The following TRPM6 variants were observed in gnomAD, a reference collection of about 807,000 sequenced individuals.
TRPM6 encodes transient receptor potential cation channel subfamily M member 6, also known as channel kinase 2.
Under a neutral mutation model 247.6 loss-of-function variants are expected in TRPM6, and 111 were observed. The ratio of observed to expected loss-of-function variants is 0.45; its 90% CI spans 0.38 to 0.52. The LOEUF (loss-of-function observed/expected upper bound fraction) is 0.52, where lower values mean the gene tolerates loss of function less well. Ranked by LOEUF, TRPM6 falls within the 20% of genes least tolerant of loss-of-function variation. TRPM6 has a pLI of 0.00. For missense variants in TRPM6, 2,126 were observed against 2,421.5 expected, an observed-to-expected ratio of 0.88 and a Z score of 2.56; for synonymous variants, 892 against 853.8, an observed-to-expected ratio of 1.04 and a Z score of -0.78.
At chr9:74,825,773 T>G (rs573193864) in intron 7 of TRPM6, among the ~76,000 whole-genome samples, 1 of 152,186 alleles carries the variant, frequency 6.6e-6, no homozygotes, top group African/African-American at 2.4e-5. Context: ...CCCCACGCAA[T>G]TTAGGTGGTG....
Position 74,762,925 on chromosome 9 carries a change from A to G in TRPM6, c.3746T>C (p.Leu1249Pro), listed in dbSNP as rs1310687611. ...GATGACATTGCTCCAGCTGTGGGGA[A>G]GTTTTTTGCAAGTAGAATGCTTTCT... ...AKRKHSTCKK[L>P]PHSWSNVICA... Residue 1249 changes from leucine (L) to proline (P), a missense_variant, in exon 26 of 39, where the codon CTT becomes CCT. Transcript: ENST00000360774. 8.1e-6 allele frequency: 13 copies of G among 1,605,930 alleles called. No individual in the cohort carries two copies. The highest frequency in any genetic ancestry group is 1.1e-5 in the Non-Finnish European group (13 of 1,174,742).
intron 33 of TRPM6, among the ~76,000 whole-genome samples, chr9:74,741,671 C>T (rs1427768810): frequency 6.6e-6 from 1 of 151,886 alleles, no homozygotes; most frequent in African/African-American, 2.4e-5. Flanking sequence ...GGGTAGATCA[C>T]CTGAGGTTAG....
At chr9:74,766,010 A>G (rs1243123024) in intron 25 of TRPM6, among the ~76,000 whole-genome samples, 1 of 152,210 alleles carries the variant, frequency 6.6e-6, no homozygotes, top group Non-Finnish European at 1.5e-5. Context: ...CACAAAATAT[A>G]TGTATACTCT....
In TRPM6 at chr9:74,802,379, G is replaced by C. The variant is rs7858874; in HGVS notation, c.1732-204C>G. On this transcript the variant is annotated intron_variant, in intron 15 of 38. Transcript: ENST00000360774. ...TCTTGTTGCATTTAACAGATCCAGA[G>C]TCCCTGAACTGATATATCTTAAGGT... is the stretch of plus-strand genomic sequence containing the variant. Among the ~76,000 whole-genome samples the C allele has an allele frequency of 0.25, 37,354 of 151,936 alleles. 6,341 individuals are homozygous for C. The highest frequency in any genetic ancestry group is 0.49 in the African/African-American group (20,318 of 41,390).
chr9:74,840,376 T>C, intron 4 of TRPM6, 139 bp from the exon 5 acceptor site: 1 of 669,126 alleles, frequency 1.5e-6, no homozygotes, highest in Non-Finnish European at 2.7e-6. Context: ...AAGTTCATCT[T>C]CATGTAATGG....
Position 74,739,744 on chromosome 9 carries a change from AGTGC to A in TRPM6, c.5462_5465del (p.Ser1821MetfsTer19). On this transcript the variant is annotated frameshift_variant, in exon 34 of 39. Coordinates refer to ENST00000360774, the MANE Select transcript of TRPM6 (RefSeq NM_017662.5). ...TTACCCTGAGGCAAAGATGAAGCAC[AGTGC>A]TCTCCTGGAAGATTTTATGCCATGT... 6.2e-7 allele frequency: 1 copy of A among 1,613,384 alleles called. No homozygotes were observed. The highest frequency in any genetic ancestry group is 8.5e-7 in the Non-Finnish European group (1 of 1,180,002).
In TRPM6 at chr9:74,802,050, T is replaced by C. The variant is rs1587522385; in HGVS notation, c.1857A>G (p.Lys619=). 1 of 1,614,178 alleles carries C rather than the reference T, an allele frequency of 6.2e-7. No individual in the cohort carries two copies. Among genetic ancestry groups the C allele is most frequent in the East Asian group, 2.2e-5 (1 of 44,880 alleles). The change falls in exon 16 of 39, where the codon AAA becomes AAG. Residue 619 remains lysine, a synonymous_variant. Transcript: ENST00000360774. The part of the protein sequence containing the change: ...NDLLVWAVLM[K]RQKMAMFFWQ... ...AGAAGAACATAGCCATCTTCTGCCT[T>C]TTCATCAGCACAGCCCAAACCAGCA...
chr9:74,766,053 C>T (rs529745358), intron 25 of TRPM6, among the ~76,000 whole-genome samples: 1 of 152,280 alleles, frequency 6.6e-6, no homozygotes, highest in South Asian at 2.1e-4. Context: ...GCCTCTCCAA[C>T]CAGTGAACTG....
At chr9:74,726,703 G>A (rs1417630067) in intron 38 of TRPM6, among the ~76,000 whole-genome samples, 1 of 152,178 alleles carries the variant, frequency 6.6e-6, no homozygotes. Flanking sequence ...TTCCAGGGTA[G>A]GAATGAATCA....
intron 17 of TRPM6, among the ~76,000 whole-genome samples, chr9:74,799,529 C>A (rs867660958): frequency 5.2e-5 from 7 of 134,690 alleles, no homozygotes; most frequent in Non-Finnish European, 1.1e-4. Context: ...CTTATTCTCT[C>A]AAAAAAAAAC....
At chr9:74,817,676 C>T (rs1006823394) in intron 9 of TRPM6, among the ~76,000 whole-genome samples, 8 of 152,084 alleles carry the variant, frequency 5.3e-5, no homozygotes, top group African/African-American at 1.4e-4. Context: ...CTTGCTCACC[C>T]GTTCCCACCC....
chr9:74,820,469 G>A lies in TRPM6; in HGVS notation c.1011-42C>T, dbSNP rs774454389. On this transcript the variant is annotated intron_variant, in intron 8 of 38. Transcript: ENST00000360774. Reference sequence around the variant, plus strand: ...TGGTCTTGACACAACCCAGAGAGGGGAATGAGCCGGCAACATCAGTACAAG... The same window carrying A: ...TGGTCTTGACACAACCCAGAGAGGGAAATGAGCCGGCAACATCAGTACAAG... 6 of 1,612,932 alleles carry A rather than the reference G, an allele frequency of 3.7e-6. No homozygotes were observed. The East Asian group carries it at 1.3e-4, about 36-fold the overall frequency.
Position 74,883,496 on chromosome 9 carries a change from A to T in TRPM6, c.33+4328T>A, listed in dbSNP as rs369884646. 3.3e-5 allele frequency among the ~76,000 whole-genome samples: 5 copies of T among 152,320 alleles called. No individual in the cohort carries two copies. The South Asian group carries it at 1.0e-3, about 32-fold the overall frequency. On this transcript the variant is annotated intron_variant, in intron 1 of 38. Transcript: ENST00000360774. ...AGTTTTATTCACTGTATATTCCCAGATTCTGGAAGACAGTTTGGCACATAA... is the reference window on the plus strand; with the variant it reads ...AGTTTTATTCACTGTATATTCCCAGTTTCTGGAAGACAGTTTGGCACATAA...
intron 3 of TRPM6, among the ~76,000 whole-genome samples, chr9:74,848,804 G>A (rs936752873): frequency 6.6e-6 from 1 of 152,090 alleles, no homozygotes; most frequent in African/African-American, 2.4e-5. Context: ...ATTAGTAAAT[G>A]TTATATTTAA....
chr9:74,831,430 C>CAGTGAGCTG, intron 6 of TRPM6, among the ~76,000 whole-genome samples: 1 of 152,078 alleles, frequency 6.6e-6, no homozygotes, highest in Non-Finnish European at 1.5e-5. Context: ...GCGGAGGTTG[C>CAGTGAGCTG]AGTGAGCTGA....
At chr9:74,779,169 C>T (rs1195567321) in intron 23 of TRPM6, among the ~76,000 whole-genome samples, 2 of 152,096 alleles carry the variant, frequency 1.3e-5, no homozygotes, top group African/African-American at 2.4e-5. Context: ...CCCAGCTACT[C>T]GGGAGGTTGA....
Position 74,769,683 on chromosome 9 carries a change from G to A in TRPM6, c.3536+2020C>T, listed in dbSNP as rs570998842. 1.9e-4 allele frequency among the ~76,000 whole-genome samples: 29 copies of A among 151,622 alleles called. No homozygotes were observed. In the South Asian group the frequency reaches 4.0e-3, roughly 21 times the overall value. On this transcript the variant is annotated intron_variant, in intron 25 of 38. Coordinates refer to ENST00000360774, the MANE Select transcript of TRPM6 (RefSeq NM_017662.5). ...TGAGGCAGGAGAATTGCTTGAACCC[G>A]GGAGGCAGAAGTTGCAGTGAGCCAA...
At position 74,761,789 on chromosome 9, in the gene TRPM6, T is replaced by C; in HGVS notation, c.4692A>G (p.Glu1564=). The C allele has an allele frequency of 6.2e-7, 1 of 1,613,684 alleles. No individual in the cohort carries two copies. ...CKIKNLSGSS[E]IGQGAWVKAK... ...CTTTGACCCATGCTCCCTGCCCTAT[T>C]TCTGAAGAGCCTGAAAGATCTGCAA... The change falls in exon 27 of 39, where the codon GAA becomes GAG. Residue 1564 remains glutamate (E), a synonymous_variant. Transcript: ENST00000360774.
At chr9:74,836,599 T>C (rs527591134) in intron 5 of TRPM6, among the ~76,000 whole-genome samples, 1 of 152,322 alleles carries the variant, frequency 6.6e-6, no homozygotes, top group East Asian at 1.9e-4. Flanking sequence ...CTAACACATA[T>C]CGTTGTTTGA....
Sources: allele counts gnomAD v4.1 joint callset (sites outside exome capture counted in the v4.1 genomes callset), GRCh38; gene constraint gnomAD v4.1.1; transcripts MANE v1.5; gene names NCBI Gene and HGNC (gene_info 2026-07-23, HGNC 2026-07-21).